The following THSD4 variants were observed in gnomAD, a reference collection of about 807,000 sequenced individuals.
THSD4 encodes thrombospondin type-1 domain-containing protein 4.
THSD4 carries 69 observed loss-of-function variants against 119.0 expected under a neutral mutation model. The ratio of observed to expected loss-of-function variants is 0.58; its 90% CI spans 0.48 to 0.71. The LOEUF (loss-of-function observed/expected upper bound fraction) is 0.71. THSD4 is among the 30% of genes least tolerant of loss of function. The pLI, the probability that THSD4 is intolerant of heterozygous loss-of-function variation, is 0.00. For synonymous variants in THSD4, 524 were observed against 540.4 expected, an observed-to-expected ratio of 0.97 and a Z score of 0.42; for missense variants, 1,393 against 1,391.1, an observed-to-expected ratio of 1.00 and a Z score of -0.02.
chr15:71,133,900 C>T (rs957542114), intron 1 of THSD4, among the ~76,000 whole-genome samples: 1 of 152,206 alleles, frequency 6.6e-6, no homozygotes, highest in African/African-American at 2.4e-5. Context: ...CTTAACTAAT[C>T]TGTGCTGATT....
Position 71,380,073 on chromosome 15 carries a change from T to G in THSD4, c.1016-31614T>G, listed in dbSNP as rs573513474. 7.5e-4 allele frequency among the ~76,000 whole-genome samples: 114 copies of G among 152,272 alleles called. 1 individual carries two copies. The highest frequency in any genetic ancestry group is 2.6e-3 in the African/African-American group (110 of 41,582). ...CTGAAGGTTGTCTGCTGTGACCGGCTGAGACTCAGCTACTTATTACAAAGG... is the reference window on the plus strand; with the variant it reads ...CTGAAGGTTGTCTGCTGTGACCGGCGGAGACTCAGCTACTTATTACAAAGG... On this transcript the variant is annotated intron_variant, in intron 6 of 17. Coordinates refer to ENST00000261862, the MANE Select transcript of THSD4 (RefSeq NM_024817.3).
intron 6 of THSD4, chr15:71,341,331 G>T: frequency 6.2e-7 from 1 of 1,605,944 alleles, no homozygotes; most frequent in East Asian, 2.2e-5. Flanking sequence ...CTGTAGGTCC[G>T]GCGGTGCATC....
At chr15:71,104,993 G>A (rs1290865234) in intron 1 of THSD4, among the ~76,000 whole-genome samples, 1 of 152,092 alleles carries the variant, frequency 6.6e-6, no homozygotes, top group Non-Finnish European at 1.5e-5. Flanking sequence ...CTTATGGTCT[G>A]TATTTTAATA....
At chr15:71,613,480 C>T (rs113634914) in intron 7 of THSD4, among the ~76,000 whole-genome samples, 5,579 of 152,202 alleles carry the variant, frequency 0.037, 378 homozygotes, top group African/African-American at 0.13. Context: ...TATCAATTGT[C>T]TATTACAACT....
At chr15:71,503,542 A>G (rs1300671220) in intron 7 of THSD4, among the ~76,000 whole-genome samples, 2 of 152,156 alleles carry the variant, frequency 1.3e-5, no homozygotes, top group South Asian at 2.1e-4. Flanking sequence ...CACAAGTGAA[A>G]AAACAAAACA....
chr15:71,174,356 G>A (rs35956454), intron 3 of THSD4, among the ~76,000 whole-genome samples: 3 of 150,468 alleles, frequency 2.0e-5, no homozygotes, highest in Non-Finnish European at 2.9e-5. Context: ...TTCCCTTTCC[G>A]AGTCAAAGAA....
intron 8 of THSD4, among the ~76,000 whole-genome samples, chr15:71,685,961 T>A (rs2051900242): frequency 1.3e-5 from 2 of 152,186 alleles, no homozygotes; most frequent in African/African-American, 4.8e-5. Context: ...TCCATTTTTT[T>A]AAACTTTTTA....
chr15:71,686,980 T>G (rs2141042096), intron 8 of THSD4, among the ~76,000 whole-genome samples: 1 of 152,322 alleles, frequency 6.6e-6, no homozygotes, highest in South Asian at 2.1e-4. Context: ...TCAACACTAG[T>G]TGACCATCTT....
chr15:71,763,540 G>A (rs1190384883), intron 15 of THSD4, among the ~76,000 whole-genome samples: 1 of 143,768 alleles, frequency 7.0e-6, no homozygotes, highest in Non-Finnish European at 1.5e-5. Context: ...ATGAGACCCT[G>A]TCTCTAAAAA....
intron 11 of THSD4, among the ~76,000 whole-genome samples, chr15:71,741,453 A>C (rs984695031): frequency 6.6e-6 from 1 of 152,150 alleles, no homozygotes; most frequent in Non-Finnish European, 1.5e-5. Context: ...AGATCATGCC[A>C]CTGCACTCCA....
intron 6 of THSD4, chr15:71,341,678 G>T (rs764717739): frequency 2.8e-6 from 4 of 1,448,418 alleles, no homozygotes; most frequent in South Asian, 1.1e-5. Flanking sequence ...GCCTGATTTC[G>T]TGGGGTTCTC....
At chr15:71,412,926 T>C (rs771593867) in intron 7 of THSD4, among the ~76,000 whole-genome samples, 3 of 152,212 alleles carry the variant, frequency 2.0e-5, no homozygotes, top group Non-Finnish European at 2.9e-5. Flanking sequence ...CAAATCTGGG[T>C]AACTGGGGTA....
chr15:71,414,594 C>T (rs891105947), intron 7 of THSD4, among the ~76,000 whole-genome samples: 4 of 152,034 alleles, frequency 2.6e-5, no homozygotes, highest in African/African-American at 7.3e-5. Flanking sequence ...TAAGATGACT[C>T]GGAAGGAATA....
chr15:71,208,496 CTCTTT>C (rs964332721), intron 3 of THSD4, among the ~76,000 whole-genome samples: 1 of 142,960 alleles, frequency 7.0e-6, no homozygotes, highest in Non-Finnish European at 1.5e-5. Context: ...TTCTTTTTTT[CTCTTT>C]TCTTTTCTTT....
At chr15:71,197,932 T>C (rs2043734308) in intron 3 of THSD4, among the ~76,000 whole-genome samples, 1 of 152,148 alleles carries the variant, frequency 6.6e-6, no homozygotes, top group South Asian at 2.1e-4. Context: ...GGAAAGGCTC[T>C]CAGAGGAATA....
intron 1 of THSD4, among the ~76,000 whole-genome samples, chr15:71,125,557 G>C (rs1335436492): frequency 6.6e-6 from 1 of 152,196 alleles, no homozygotes; most frequent in Non-Finnish European, 1.5e-5. Context: ...TTCCCCTCCC[G>C]GGTCACCAGC....
At chr15:71,498,004 G>T (rs1214474103) in intron 7 of THSD4, among the ~76,000 whole-genome samples, 2 of 152,154 alleles carry the variant, frequency 1.3e-5, no homozygotes, top group Non-Finnish European at 2.9e-5. Context: ...GGGAGGGTGG[G>T]TTATAAGTGA....
rs1353096629 is a variant in THSD4 at position 71,730,806 on chromosome 15, A to G, written c.1534-315A>G. 2.0e-5 allele frequency: 7 copies of G among 342,338 alleles called. No homozygotes were observed. In the East Asian group the frequency reaches 3.1e-4, roughly 15 times the overall value. The allele number at this position is 342,338 out of a possible 1,614,324, so 21.2% of individuals were successfully genotyped here. Reference sequence around the variant, plus strand: ...TATCTGTGTTGGATGTTTCAAGAGCACTGAGCAAAATCTAAGGACAGAAAG... The same window carrying G: ...TATCTGTGTTGGATGTTTCAAGAGCGCTGAGCAAAATCTAAGGACAGAAAG... On this transcript the variant is annotated intron_variant, in intron 9 of 17. Coordinates refer to ENST00000261862, the MANE Select transcript of THSD4 (RefSeq NM_024817.3).
chr15:71,163,482 A>G (rs979848530), intron 3 of THSD4, among the ~76,000 whole-genome samples: 1 of 152,220 alleles, frequency 6.6e-6, no homozygotes, highest in Middle Eastern at 3.4e-3. Context: ...AAAATTGCCA[A>G]ATTGTTCCCT....
Sources: allele counts gnomAD v4.1 joint callset (sites outside exome capture counted in the v4.1 genomes callset), GRCh38; gene constraint gnomAD v4.1.1; transcripts MANE v1.5; gene names NCBI Gene and HGNC (gene_info 2026-07-23, HGNC 2026-07-21).